The following BABAM2 variants were observed in gnomAD, a reference collection of about 807,000 sequenced individuals.
BABAM2 encodes BRISC and BRCA1 A complex member 2.
Under a neutral mutation model 54.7 loss-of-function variants are expected in BABAM2, and 31 were observed. The ratio of observed to expected loss-of-function variants is 0.57; its 90% CI spans 0.43 to 0.77. BABAM2 has a LOEUF of 0.77. Among genes scored for constraint, BABAM2 ranks in the 30% least tolerant of loss-of-function variants. The pLI is 0.00. For synonymous variants in BABAM2, 167 were observed against 162.9 expected (o/e 1.03, Z -0.19); for missense variants, 364 against 455.8 (o/e 0.80, Z 1.83).
chr2:28,291,094 C>T (rs548361315), intron 10 of BABAM2, among the ~76,000 whole-genome samples: 1 of 152,192 alleles, frequency 6.6e-6, no homozygotes, highest in East Asian at 1.9e-4. Flanking sequence ...AAATTATTAT[C>T]CTCATTTTAC....
At chr2:27,968,493 G>C (rs1354841364) in intron 3 of BABAM2, among the ~76,000 whole-genome samples, 1 of 152,234 alleles carries the variant, frequency 6.6e-6, no homozygotes, top group Non-Finnish European at 1.5e-5. Context: ...GGGCAGTGCA[G>C]AAGGGAAATG....
intron 2 of BABAM2, among the ~76,000 whole-genome samples, chr2:27,908,251 T>G (rs1438044034): frequency 6.6e-6 from 1 of 152,070 alleles, no homozygotes; most frequent in East Asian, 1.9e-4. Context: ...ATAGGTAGGT[T>G]CTCTTTTTTT....
At chr2:28,007,095 C>A (rs1393935724) in intron 4 of BABAM2, among the ~76,000 whole-genome samples, 2 of 151,586 alleles carry the variant, frequency 1.3e-5, no homozygotes, top group Admixed American at 1.3e-4. Context: ...TTATTATTAA[C>A]CTTAATTATC....
intron 6 of BABAM2, among the ~76,000 whole-genome samples, chr2:28,079,573 TCAAATA>T (rs1347825826): frequency 6.6e-6 from 1 of 152,210 alleles, no homozygotes; most frequent in Admixed American, 6.5e-5. Flanking sequence ...ATTTCACTGT[TCAAATA>T]CAATGGTCTG....
At chr2:28,143,153 A>G (rs1323392834) in intron 7 of BABAM2, among the ~76,000 whole-genome samples, 2 of 151,692 alleles carry the variant, frequency 1.3e-5, no homozygotes, top group African/African-American at 2.4e-5. Flanking sequence ...AAATATATAT[A>G]TATATATAAA....
At chr2:28,258,615 C>CTTTTTTTTTTTTTTTTTTTTTTTTTTT (rs70956008) in intron 10 of BABAM2, among the ~76,000 whole-genome samples, 8 of 100,044 alleles carry the variant, frequency 8.0e-5, no homozygotes, top group South Asian at 3.2e-4. Context: ...TTTTTCTTTT[C>CTTTTTTTTTTTTTTTTTTTTTTTTTTT]TTTTTTTTTT....
intron 6 of BABAM2, among the ~76,000 whole-genome samples, chr2:28,122,266 C>A (rs186468587): frequency 1.8e-4 from 27 of 152,090 alleles, no homozygotes; most frequent in African/African-American, 6.3e-4. Flanking sequence ...TTTGGTTACT[C>A]GAGGAATTAC....
At chr2:28,047,080 CAT>C (rs1323918462) in intron 6 of BABAM2, among the ~76,000 whole-genome samples, 2 of 152,170 alleles carry the variant, frequency 1.3e-5, no homozygotes, top group African/African-American at 4.8e-5. Context: ...CTAAGTAAAA[CAT>C]AGGATTTTTG....
intron 11 of BABAM2, among the ~76,000 whole-genome samples, chr2:28,326,111 C>G (rs1023551391): frequency 2.6e-5 from 4 of 152,306 alleles, no homozygotes; most frequent in Admixed American, 2.0e-4. Flanking sequence ...CTGGGCACTT[C>G]CTCTTTCAGG....
At chr2:28,103,405 T>G (rs538401890) in intron 6 of BABAM2, among the ~76,000 whole-genome samples, 1 of 152,286 alleles carries the variant, frequency 6.6e-6, no homozygotes, top group East Asian at 1.9e-4. Context: ...CACAATCTCC[T>G]GGGTTCAATT....
At chr2:28,273,588 A>G (rs1685622513) in intron 10 of BABAM2, among the ~76,000 whole-genome samples, 1 of 152,186 alleles carries the variant, frequency 6.6e-6, no homozygotes, top group African/African-American at 2.4e-5. Flanking sequence ...ATGTAGTGGC[A>G]TGGACTTGTA....
intron 11 of BABAM2, among the ~76,000 whole-genome samples, chr2:28,301,970 G>T (rs951361527): frequency 2.0e-5 from 3 of 152,038 alleles, no homozygotes; most frequent in Non-Finnish European, 4.4e-5. Context: ...TTTCCAAATA[G>T]TCTCTTTACT....
At chr2:28,261,628 G>A (rs745506629) in intron 10 of BABAM2, among the ~76,000 whole-genome samples, 32 of 152,040 alleles carry the variant, frequency 2.1e-4, no homozygotes, top group African/African-American at 7.2e-4. Context: ...GTGAGCCACC[G>A]CGCCCGGCCA....
intron 7 of BABAM2, among the ~76,000 whole-genome samples, chr2:28,215,270 A>G (rs1451032734): frequency 1.3e-5 from 2 of 152,128 alleles, no homozygotes; most frequent in Non-Finnish European, 2.9e-5. Flanking sequence ...TTTACTAGTT[A>G]TGTGGGACCT....
rs79856862 is a variant in BABAM2, at chr2:28,171,989, G to A, written c.680+42609G>A. Among the ~76,000 whole-genome samples the A allele has an allele frequency of 3.7e-4, 56 of 152,202 alleles. 2 individuals are homozygous for A. In the East Asian group the frequency reaches 0.011, roughly 29 times the overall value. On this transcript the variant is annotated intron_variant, in intron 7 of 11. Coordinates refer to ENST00000379624, the MANE Select transcript of BABAM2 (RefSeq NM_199191.3). ...TATGCTATTCAGAGTTTACTTCAGG[G>A]ATGTGATTAAAAGGGAATGGAAGCC...
intron 6 of BABAM2, among the ~76,000 whole-genome samples, chr2:28,127,695 A>G (rs1669675888): frequency 6.6e-6 from 1 of 152,188 alleles, no homozygotes; most frequent in South Asian, 2.1e-4. Flanking sequence ...GGAGTTGAGC[A>G]GGATGAGTGA....
intron 2 of BABAM2, among the ~76,000 whole-genome samples, chr2:27,898,577 G>A (rs578009218): frequency 1.3e-5 from 2 of 152,054 alleles, no homozygotes; most frequent in African/African-American, 2.4e-5. Context: ...AAACAAATTT[G>A]GCATATCAAA....
In BABAM2 at chr2:27,952,383, C is replaced by T. The variant is rs377112367; in HGVS notation, c.205+22475C>T. ...GTTATCTTTGTATTTCAGAGTGATT[C>T]CCTTTTTGCAAGTTTATGGCACTGG... On this transcript the variant is annotated intron_variant, in intron 3 of 11. Transcript: ENST00000379624. 3.8e-4 allele frequency among the ~76,000 whole-genome samples: 58 copies of T among 152,194 alleles called. No homozygotes were observed. The East Asian group carries it at 5.2e-3, about 14-fold the overall frequency.
At chr2:28,293,542 C>T (rs780172148) in intron 10 of BABAM2, among the ~76,000 whole-genome samples, 6 of 152,302 alleles carry the variant, frequency 3.9e-5, no homozygotes, top group African/African-American at 7.2e-5. Flanking sequence ...GACTGCAACC[C>T]GCGGAACCCA....
Sources: allele counts gnomAD v4.1 joint callset (sites outside exome capture counted in the v4.1 genomes callset), GRCh38; gene constraint gnomAD v4.1.1; transcripts MANE v1.5; gene names NCBI Gene and HGNC (gene_info 2026-07-23, HGNC 2026-07-21).